Variants in ATP2B2 observed in about 807,000 individuals in gnomAD.
ATP2B2 encodes ATPase plasma membrane Ca2+ transporting 2.
A neutral mutation model predicts 120.0 loss-of-function variants in ATP2B2; 15 were observed. The ratio of observed to expected loss-of-function variants is 0.12; its 90% CI spans 0.08 to 0.19. The LOEUF (loss-of-function observed/expected upper bound fraction) is 0.19, where lower values mean the gene tolerates loss of function less well. ATP2B2 is among the 10% of genes least tolerant of loss of function. The pLI, the probability that ATP2B2 is intolerant of heterozygous loss-of-function variation, is 1.00. For synonymous variants in ATP2B2, 694 were observed against 700.3 expected (o/e 0.99, Z 0.14); for missense variants, 1,045 against 1,719.8 (o/e 0.61, Z 6.94).
rs777617607 is a variant in ATP2B2, at chr3:10,342,714, C to T, written c.2917+38G>A. On this transcript the variant is annotated intron_variant, in intron 19 of 22. Coordinates refer to ENST00000360273, the MANE Select transcript of ATP2B2 (RefSeq NM_001001331.4). This position sits in a 1 kb window ranked among gnomAD's most constrained non-coding sequence, Gnocchi z 4.4. ...CCATGGTGCACCCAGAAGGTGATGA[C>T]CCCGCCTGGGAGAGGCGTGGGTGGG... The T allele has an allele frequency of 1.9e-6, 3 of 1,609,704 alleles. No individual in the cohort carries two copies. The highest frequency in any genetic ancestry group is 2.5e-6 in the Non-Finnish European group (3 of 1,176,582).
intron 12 of ATP2B2, among the ~76,000 whole-genome samples, chr3:10,362,705 G>C (rs1383081862): frequency 6.6e-6 from 1 of 152,194 alleles, no homozygotes; most frequent in Non-Finnish European, 1.5e-5. Context: ...CCTGTGCCTT[G>C]AAAAATGCCC....
intron 1 of ATP2B2, among the ~76,000 whole-genome samples, chr3:10,479,032 G>T (rs1004868354): frequency 2.0e-5 from 3 of 152,144 alleles, no homozygotes; most frequent in Non-Finnish European, 4.4e-5. Flanking sequence ...CTTCCACCCT[G>T]ATTGTAAGTT....
At chr3:10,690,689 C>T (rs909138806) in intron 1 of ATP2B2, among the ~76,000 whole-genome samples, 5 of 152,012 alleles carry the variant, frequency 3.3e-5, no homozygotes, top group African/African-American at 9.7e-5. Flanking sequence ...AGGGTTTGTC[C>T]GAGTGCACCA....
intron 1 of ATP2B2, among the ~76,000 whole-genome samples, chr3:10,472,421 C>T (rs1195627213): frequency 5.3e-5 from 8 of 152,164 alleles, no homozygotes; most frequent in Admixed American, 6.5e-5. Flanking sequence ...GCTGGGGGGA[C>T]GCTGCGGGGC....
chr3:10,385,634 AAG>A (rs1325610516), intron 7 of ATP2B2, among the ~76,000 whole-genome samples: 2 of 152,184 alleles, frequency 1.3e-5, no homozygotes, highest in South Asian at 2.1e-4. Flanking sequence ...CCAACCAGTC[AAG>A]AGAGTCCCCT....
At chr3:10,468,269 G>A (rs115812893) in intron 1 of ATP2B2, among the ~76,000 whole-genome samples, 1,645 of 152,368 alleles carry the variant, frequency 0.011, 31 homozygotes, top group African/African-American at 0.037. Context: ...ACAGGTGCGA[G>A]GCCAGGGCCC....
chr3:10,385,293 A>G lies in ATP2B2; in HGVS notation c.975T>C (p.Asp325=). The stretch of plus-strand genomic sequence containing the variant: ...CATTGACTAGGCTGGCATTCGCACT[A>G]TCTGCAGCATTTGAAGCTGCCGCAC... The part of the protein sequence containing the change: ...ADGAAASNAA[D]SANASLVNGK... The change falls in exon 8 of 23, where the codon GAT becomes GAC. Residue 325 remains aspartate (D), a synonymous_variant. Transcript: ENST00000360273. 1.9e-6 allele frequency: 3 copies of G among 1,613,984 alleles called. No homozygotes were observed. Among genetic ancestry groups the G allele is most frequent in the Non-Finnish European group, 2.5e-6 (3 of 1,180,006 alleles).
chr3:10,385,152 G>A lies in ATP2B2; in HGVS notation c.1000+116C>T, dbSNP rs1244265530. ...ATGTGAGAAGGTGACTGTCCCAGCG[G>A]CCCATGCACATCCGAGATCTGTGCA... On this transcript the variant is annotated intron_variant, in intron 8 of 22. Transcript: ENST00000360273. 4.8e-6 allele frequency: 5 copies of A among 1,032,908 alleles called. No individual in the cohort carries two copies. The East Asian group carries it at 1.3e-4, about 26-fold the overall frequency. 64.0% of individuals were successfully genotyped at this position (1,032,908 alleles called of 1,614,324 possible). A position where few individuals can be genotyped will look rare whatever the true frequency, so the allele number is the denominator to read the frequency against.
chr3:10,378,624 C>G (rs111691275), intron 9 of ATP2B2, among the ~76,000 whole-genome samples: 78 of 152,316 alleles, frequency 5.1e-4, no homozygotes, highest in African/African-American at 1.9e-3. Context: ...CTCGCTGCCT[C>G]AGACCTGGAA....
Position 10,378,365 on chromosome 3 carries a change from T to C in ATP2B2, c.1088A>G (p.Lys363Arg). ...GTCAGCGTCGCCGCCCTCGGCACTC[T>C]TGAGGGGCTGCATCTCCATGGCGGC... ...GAAAMEMQPL[K>R]SAEGGDADDR... is the part of the protein sequence containing the mutation. Residue 363 changes from lysine to arginine, a missense_variant, in exon 10 of 23, where the codon AAG (lysine) becomes AGG (arginine). Lys to Arg is a conservative substitution (Grantham distance 26, BLOSUM62 2). Transcript: ENST00000360273. 1 of 1,605,712 alleles carries C rather than the reference T, an allele frequency of 6.2e-7. No individual in the cohort carries two copies. Among genetic ancestry groups the C allele is most frequent in the Non-Finnish European group, 8.5e-7 (1 of 1,180,002 alleles).
chr3:10,546,285 CAG>C (rs1171500427), intron 2 of ATP2B2, among the ~76,000 whole-genome samples: 2 of 152,172 alleles, frequency 1.3e-5, no homozygotes, highest in Non-Finnish European at 2.9e-5. Context: ...GGAGGCAAGA[CAG>C]GGAGGTAGCA....
intron 3 of ATP2B2, among the ~76,000 whole-genome samples, chr3:10,517,596 G>A (rs958007263): frequency 2.6e-5 from 4 of 152,140 alleles, no homozygotes; most frequent in African/African-American, 9.7e-5. Flanking sequence ...GCCACTACTT[G>A]TGGAGTGTCC....
chr3:10,597,485 G>C (rs1052065066), intron 2 of ATP2B2, among the ~76,000 whole-genome samples: 6 of 152,262 alleles, frequency 3.9e-5, no homozygotes, highest in African/African-American at 1.4e-4. Flanking sequence ...GGAGCCCCTA[G>C]GTTAAGAAGG....
intron 5 of ATP2B2, among the ~76,000 whole-genome samples, chr3:10,398,495 C>T (rs1436247553): frequency 1.3e-5 from 2 of 152,168 alleles, no homozygotes; most frequent in Non-Finnish European, 2.9e-5. Context: ...ACTGGGAATC[C>T]TGCCAAAACC....
intron 3 of ATP2B2, among the ~76,000 whole-genome samples, chr3:10,516,839 C>T (rs1391574901): frequency 6.6e-6 from 1 of 152,186 alleles, no homozygotes; most frequent in African/African-American, 2.4e-5. Flanking sequence ...GAAGTGTCCA[C>T]CCTGTGGAAT....
At chr3:10,579,071 A>G (rs1482772870) in intron 2 of ATP2B2, among the ~76,000 whole-genome samples, 3 of 152,144 alleles carry the variant, frequency 2.0e-5, no homozygotes, top group Non-Finnish European at 4.4e-5. Context: ...TCAATGAGAG[A>G]AAGAAAGATT....
chr3:10,578,504 G>A (rs372927532), intron 2 of ATP2B2, among the ~76,000 whole-genome samples: 5 of 150,390 alleles, frequency 3.3e-5, no homozygotes, highest in East Asian at 3.9e-4. Context: ...CCGAGATCTC[G>A]CCACTGCACT....
intron 2 of ATP2B2, among the ~76,000 whole-genome samples, chr3:10,549,937 A>G (rs111476397): frequency 3.3e-5 from 5 of 152,378 alleles, no homozygotes; most frequent in African/African-American, 9.6e-5. Flanking sequence ...GGGGAGCCAC[A>G]TGGCTCAGAG....
At chr3:10,515,474 C>A (rs945368648) in intron 3 of ATP2B2, among the ~76,000 whole-genome samples, 9 of 152,210 alleles carry the variant, frequency 5.9e-5, no homozygotes, top group Admixed American at 2.0e-4. Flanking sequence ...GGGAGTGTCT[C>A]AATCTTCTCA....
Sources: allele counts gnomAD v4.1 joint callset (sites outside exome capture counted in the v4.1 genomes callset), GRCh38; gene constraint gnomAD v4.1.1; non-coding constraint Gnocchi (gnomAD v3.1); transcripts MANE v1.5; gene names NCBI Gene and HGNC (gene_info 2026-07-23, HGNC 2026-07-21).